SPAG16: variants seen among roughly 807,000 people sequenced by gnomAD.
The protein encoded by SPAG16 is sperm-associated antigen 16 protein.
In SPAG16, 86 loss-of-function variants were observed where a neutral mutation model predicts 80.4. The ratio of observed to expected loss-of-function variants is 1.07; its 90% CI spans 0.90 to 1.28. The LOEUF is 1.28. SPAG16 is among the 50% of genes most tolerant of loss of function. The pLI is 0.00. For synonymous variants in SPAG16, 294 were observed against 265.9 expected (o/e 1.11, Z -1.03); for missense variants, 870 against 765.3 (o/e 1.14, Z -1.61).
Position 213,407,064 on chromosome 2 carries a change from C to T in SPAG16, c.942+31945C>T, listed in dbSNP as rs1167585401. Among the ~76,000 whole-genome samples, 3 of 151,930 alleles carry T rather than the reference C, an allele frequency of 2.0e-5. No individual in the cohort carries two copies. In the East Asian group the frequency reaches 5.8e-4, roughly 29 times the overall value. ...AGAAGCCGCGGGAGCGGGTAGAGTA[C>T]CTTGGTGGTCAAATTCTGGAGGGCT... On this transcript the variant is annotated intron_variant, in intron 9 of 15. Transcript: ENST00000331683.
chr2:213,292,650 C>T (rs1378245826), intron 1 of SPAG16, among the ~76,000 whole-genome samples: 2 of 116,328 alleles, frequency 1.7e-5, no homozygotes, highest in Non-Finnish European at 3.6e-5. Context: ...GGCGACAGAG[C>T]GAGACTCCGT....
intron 12 of SPAG16, among the ~76,000 whole-genome samples, chr2:213,947,445 G>T (rs1371279238): frequency 6.6e-6 from 1 of 152,016 alleles, no homozygotes; most frequent in African/African-American, 2.4e-5. Context: ...GGCTAATAAT[G>T]TTAGACATCT....
chr2:213,293,178 C>T (rs2062364981), intron 1 of SPAG16, among the ~76,000 whole-genome samples: 1 of 152,192 alleles, frequency 6.6e-6, no homozygotes, highest in African/African-American at 2.4e-5. Flanking sequence ...TTCTCTCTTT[C>T]ATGGTGCCCT....
intron 11 of SPAG16, among the ~76,000 whole-genome samples, chr2:213,928,566 T>A (rs568247400): frequency 9.8e-5 from 15 of 152,330 alleles, no homozygotes; most frequent in African/African-American, 3.4e-4. Context: ...AAACAAAATA[T>A]TTTTTGATTC....
chr2:213,591,074 A>T (rs928714929), intron 10 of SPAG16, among the ~76,000 whole-genome samples: 1 of 152,254 alleles, frequency 6.6e-6, no homozygotes, highest in Non-Finnish European at 1.5e-5. Flanking sequence ...ATTATCACTT[A>T]TAAGTGGAAA....
At chr2:213,956,714 T>C (rs921942510) in intron 12 of SPAG16, among the ~76,000 whole-genome samples, 4 of 151,926 alleles carry the variant, frequency 2.6e-5, no homozygotes, top group African/African-American at 9.7e-5. Context: ...GCCTCCCAAA[T>C]TGCTGGGATT....
At chr2:214,004,467 A>G (rs897061647) in intron 12 of SPAG16, among the ~76,000 whole-genome samples, 4 of 152,040 alleles carry the variant, frequency 2.6e-5, no homozygotes, top group Non-Finnish European at 1.5e-5. Flanking sequence ...TGAGAAACAT[A>G]CTCCTTAATT....
chr2:213,692,603 G>A lies in SPAG16; in HGVS notation c.1071-169882G>A, dbSNP rs937852904. On this transcript the variant is annotated intron_variant, in intron 10 of 15. Transcript: ENST00000331683. ...AGGTGGGCAGATCACAAGGTCAGCA[G>A]ATAGAGACAATCCTGTCTAACACGG... is the stretch of plus-strand genomic sequence containing the variant. Among the ~76,000 whole-genome samples, 20 of 152,242 alleles carry A rather than the reference G, an allele frequency of 1.3e-4. No individual in the cohort carries two copies. In the South Asian group the frequency reaches 1.9e-3, roughly 14 times the overall value.
chr2:214,281,426 A>G (rs891106677), intron 15 of SPAG16: 3 of 192,972 alleles, frequency 1.6e-5, no homozygotes, highest in Non-Finnish European at 3.4e-5. Context: ...AGTAGGCCTT[A>G]GTCTTAACAA....
chr2:213,959,192 T>G (rs569914704), intron 12 of SPAG16, among the ~76,000 whole-genome samples: 6 of 152,312 alleles, frequency 3.9e-5, no homozygotes, highest in African/African-American at 1.4e-4. Flanking sequence ...GGTTCTGTCT[T>G]TGGCTTTGAA....
In SPAG16 at chr2:213,602,229, T is replaced by A. The variant is rs78316489; in HGVS notation, c.1070+112139T>A. Among the ~76,000 whole-genome samples the A allele has an allele frequency of 7.3e-4, 111 of 152,324 alleles. 3 individuals carry two copies. The East Asian group carries it at 0.015, about 21-fold the overall frequency. ...TTTGTGTTTGGTACACTCTATGATGTCTGCACAATGACAAAATCACCTAAT... is the reference window on the plus strand; with the variant it reads ...TTTGTGTTTGGTACACTCTATGATGACTGCACAATGACAAAATCACCTAAT... On this transcript the variant is annotated intron_variant, in intron 10 of 15. Transcript: ENST00000331683.
At position 213,704,166 on chromosome 2, in the gene SPAG16, A is replaced by G. The variant is rs74403093; in HGVS notation, c.1071-158319A>G. On this transcript the variant is annotated intron_variant, in intron 10 of 15. Transcript: ENST00000331683. ...TAGAACAATATCTTATAACAGCCAT[A>G]TAACAATATAACATACATCCTTAAT... 1.8e-4 allele frequency among the ~76,000 whole-genome samples: 28 copies of G among 152,354 alleles called. No homozygotes were observed. The East Asian group carries it at 5.0e-3, about 27-fold the overall frequency.
chr2:213,733,086 G>C (rs62354462), intron 10 of SPAG16, among the ~76,000 whole-genome samples: 2 of 152,228 alleles, frequency 1.3e-5, no homozygotes, highest in South Asian at 4.1e-4. Context: ...GTGTGAGATG[G>C]TATCTCATTG....
intron 10 of SPAG16, among the ~76,000 whole-genome samples, chr2:213,606,305 A>G (rs1302966995): frequency 2.0e-5 from 3 of 152,186 alleles, no homozygotes; most frequent in South Asian, 2.1e-4. Flanking sequence ...CAAAGTGGGG[A>G]CATGTTCAGG....
At chr2:214,349,135 G>C (rs1015091918) in intron 15 of SPAG16, among the ~76,000 whole-genome samples, 1 of 152,042 alleles carries the variant, frequency 6.6e-6, no homozygotes, top group Non-Finnish European at 1.5e-5. Context: ...GCACCTACCT[G>C]CAGGGAGCAG....
At chr2:213,425,216 G>A (rs182744206) in intron 9 of SPAG16, among the ~76,000 whole-genome samples, 38 of 152,144 alleles carry the variant, frequency 2.5e-4, no homozygotes, top group Admixed American at 2.1e-3. Flanking sequence ...CCAGCTACTC[G>A]GGAGGCTGAG....
intron 10 of SPAG16, among the ~76,000 whole-genome samples, chr2:213,623,806 C>G (rs1163496033): frequency 1.3e-5 from 2 of 151,912 alleles, no homozygotes; most frequent in Admixed American, 1.3e-4. Context: ...AGAGTAAACA[C>G]CAATGAATCC....
chr2:213,751,871 GT>G lies in SPAG16; in HGVS notation c.1071-110607del, dbSNP rs566951734. ...GGCATGCTACAAACTCTCAGGCCCA[GT>G]TTTTTTACTTTCCAGGTCAGAACAG... On this transcript the variant is annotated intron_variant, in intron 10 of 15. Transcript: ENST00000331683. 2.7e-3 allele frequency among the ~76,000 whole-genome samples: 413 copies of G among 152,250 alleles called. 2 individuals carry two copies. Among genetic ancestry groups the G allele is most frequent in the Non-Finnish European group, 4.4e-3 (296 of 68,014 alleles).
At chr2:213,804,399 A>G (rs764280098) in intron 10 of SPAG16, among the ~76,000 whole-genome samples, 7 of 152,118 alleles carry the variant, frequency 4.6e-5, no homozygotes, top group South Asian at 2.1e-4. Flanking sequence ...AGAACATTAT[A>G]AGGGCCGGGC....
Sources: gnomAD v4.1 joint callset for allele counts (sites outside exome capture counted in the v4.1 genomes callset) on GRCh38, gnomAD v4.1.1 for gene constraint, MANE v1.5 for transcripts, NCBI Gene and HGNC (gene_info 2026-07-23, HGNC 2026-07-21) for gene names.